PPP6R2: variants seen among roughly 807,000 people sequenced by gnomAD.
PPP6R2 encodes protein phosphatase 6 regulatory subunit 2.
In PPP6R2, 62 loss-of-function variants were observed where a neutral mutation model predicts 100.2. That is an observed-to-expected ratio of 0.62 (90% CI 0.50 to 0.76). PPP6R2 has a LOEUF of 0.76. Ranked by LOEUF, PPP6R2 falls within the 30% of genes least tolerant of loss-of-function variation. The pLI is 0.00. For missense variants in PPP6R2, 1,142 were observed against 1,276.3 expected (o/e 0.89, Z 1.60); for synonymous variants, 525 against 514.7 (o/e 1.02, Z -0.27).
chr22:50,438,558 C>T (rs369556799), intron 18 of PPP6R2, 41 bp from the exon 19 acceptor site: 58 of 1,604,352 alleles, frequency 3.6e-5, no homozygotes, highest in African/African-American at 5.4e-5. Context: ...GTTAGGCGTC[C>T]GTCCTGGGCC....
intron 1 of PPP6R2, among the ~76,000 whole-genome samples, chr22:50,362,903 G>C (rs2048066547): frequency 6.6e-6 from 1 of 152,174 alleles, no homozygotes; most frequent in African/African-American, 2.4e-5. Flanking sequence ...TGAAGGTGTT[G>C]TATTCTGGCC....
chr22:50,354,411 A>G (rs192333696), intron 1 of PPP6R2, among the ~76,000 whole-genome samples: 2 of 152,354 alleles, frequency 1.3e-5, no homozygotes, highest in African/African-American at 2.4e-5. Flanking sequence ...GGAATCTGAA[A>G]TGCTCCAGTG....
At chr22:50,339,754 GGT>G (rs1480914470), upstream of PPP6R2, among the ~76,000 whole-genome samples, 12 of 119,230 alleles carry the variant, frequency 1.0e-4, no homozygotes, top group Non-Finnish European at 1.7e-4. Context: ...AGTATGTGGT[GGT>G]GTGTGGTGTG....
chr22:50,419,545 G>A, intron 8 of PPP6R2, 83 bp downstream of exon 8: 3 of 922,888 alleles, frequency 3.3e-6, no homozygotes, highest in Non-Finnish European at 5.1e-6. Flanking sequence ...TCTGGATTAT[G>A]TCATTTGTGG....
rs562069887 is a variant in PPP6R2 at position 50,406,535 on chromosome 22, G to A, written c.228-154G>A. 2.6e-5 allele frequency among the ~76,000 whole-genome samples: 4 copies of A among 152,312 alleles called. No homozygotes were observed. In the East Asian group the frequency reaches 7.7e-4, roughly 29 times the overall value. ...CTTCTAGTAGTCAGAAATACCAGCT[G>A]GTCACAGGTAGTCACGTTTTTGTTC... On this transcript the variant is annotated intron_variant, in intron 3 of 23. Coordinates refer to ENST00000612753, the MANE Select transcript of PPP6R2 (RefSeq NM_001242898.2).
At chr22:50,417,228 C>T (rs905583968) in intron 6 of PPP6R2, among the ~76,000 whole-genome samples, 3 of 152,088 alleles carry the variant, frequency 2.0e-5, no homozygotes, top group African/African-American at 7.2e-5. Context: ...GGGCCGAGGC[C>T]GCCCTCAGCA....
chr22:50,406,892 G>A lies in PPP6R2; in HGVS notation c.414+17G>A. On this transcript the variant is annotated intron_variant, in intron 4 of 23. Transcript: ENST00000612753. Reference sequence around the variant, plus strand: ...ACCGAACAGGTAAATCACGTGCAAAGCCTCCGTGACTTGGGGCACCGTCAT... The same window carrying A: ...ACCGAACAGGTAAATCACGTGCAAAACCTCCGTGACTTGGGGCACCGTCAT... The A allele has an allele frequency of 6.2e-7, 1 of 1,607,326 alleles. No individual in the cohort carries two copies. Among genetic ancestry groups the A allele is most frequent in the Admixed American group, 1.7e-5 (1 of 60,000 alleles).
At chr22:50,351,062 CAG>C (rs373449213) in intron 1 of PPP6R2, among the ~76,000 whole-genome samples, 5,927 of 83,076 alleles carry the variant, frequency 0.071, 279 homozygotes, top group East Asian at 0.17. Context: ...TTTTTTGAGA[CAG>C]AGTTTCACTC....
intron 16 of PPP6R2, 76 bp from the exon 17 acceptor site, chr22:50,437,767 C>G: frequency 6.7e-7 from 1 of 1,502,598 alleles, no homozygotes. Context: ...CGATGAGCAC[C>G]GGGGGAGGAG....
intron 1 of PPP6R2, among the ~76,000 whole-genome samples, chr22:50,362,318 C>T (rs1569292007): frequency 6.6e-6 from 1 of 152,214 alleles, no homozygotes; most frequent in Non-Finnish European, 1.5e-5. Flanking sequence ...CTGAGCCTGG[C>T]GTGGGCCTGA....
chr22:50,340,136 ACAGT>A (rs199599502), upstream of PPP6R2, among the ~76,000 whole-genome samples: 19,585 of 75,498 alleles, frequency 0.26, 2,437 homozygotes, highest in South Asian at 0.44. Context: ...TGTGGTGTGT[ACAGT>A]GTGTGGTGTG....
intron 2 of PPP6R2, among the ~76,000 whole-genome samples, chr22:50,390,281 C>T (rs1225111084): frequency 6.6e-6 from 1 of 151,922 alleles, no homozygotes; most frequent in Non-Finnish European, 1.5e-5. Context: ...CGGGAGCCAC[C>T]GCGCCCAGCC....
chr22:50,402,970 T>A (rs2146999480), intron 3 of PPP6R2, among the ~76,000 whole-genome samples: 1 of 152,294 alleles, frequency 6.6e-6, no homozygotes, highest in African/African-American at 2.4e-5. Context: ...CCCAGCACTT[T>A]GGGAGGCCAA....
chr22:50,332,367 AG>A, the PPP6R2 span, among the ~76,000 whole-genome samples: 1 of 151,676 alleles, frequency 6.6e-6, no homozygotes, highest in South Asian at 2.1e-4. Context: ...AGTAGCTGGG[AG>A]TACAGGTGCC....
chr22:50,333,084 A>G, the PPP6R2 span, among the ~76,000 whole-genome samples: 1 of 152,134 alleles, frequency 6.6e-6, no homozygotes, highest in Admixed American at 6.6e-5. Flanking sequence ...GACTGTAGTG[A>G]GCTGTGATCG....
In PPP6R2 at chr22:50,431,338, C is replaced by T. The variant is rs1291263576; in HGVS notation, c.1291C>T (p.Pro431Ser). Reference protein sequence around the residue: ...HENGNRSLETPQPAASLPDNT... With the variant: ...HENGNRSLETSQPAASLPDNT... ...GAACGGGAACCGGAGCCTGGAGACT[C>T]CCCAGCCGGCCGCCAGCCTCCCTGA... is the stretch of plus-strand genomic sequence containing the variant. Residue 431 changes from proline to serine, a missense_variant, in exon 11 of 24, where the codon CCC becomes TCC. Pro to Ser is a moderately conservative substitution (Grantham distance 74). Coordinates refer to ENST00000612753, the MANE Select transcript of PPP6R2 (RefSeq NM_001242898.2). The surrounding 1 kb of genome is among the most constrained non-coding windows in gnomAD (Gnocchi z 4.8). 1.9e-6 allele frequency: 3 copies of T among 1,612,798 alleles called. No homozygotes were observed. In the African/African-American group the frequency reaches 4.0e-5, roughly 22 times the overall value.
chr22:50,351,188 G>T (rs78143965), intron 1 of PPP6R2, among the ~76,000 whole-genome samples: 3 of 143,796 alleles, frequency 2.1e-5, no homozygotes, highest in Non-Finnish European at 4.5e-5. Context: ...TTACAGGCAT[G>T]TGCCATTGCG....
chr22:50,402,709 C>T (rs1039572325), intron 3 of PPP6R2, among the ~76,000 whole-genome samples: 1 of 152,200 alleles, frequency 6.6e-6, no homozygotes, highest in Non-Finnish European at 1.5e-5. Context: ...GGAATATGAA[C>T]AAGCCTGTGT....
At chr22:50,432,200 T>C (rs1251203898) in intron 11 of PPP6R2, 65 bp from the exon 12 acceptor site, 1 of 1,421,462 alleles carries the variant, frequency 7.0e-7, no homozygotes, top group Admixed American at 2.0e-5. Context: ...AGTCCAGGGA[T>C]GGGTGGAGGG....
Sources: allele counts gnomAD v4.1 joint callset (sites outside exome capture counted in the v4.1 genomes callset), GRCh38; gene constraint gnomAD v4.1.1; non-coding constraint Gnocchi (gnomAD v3.1); transcripts MANE v1.5; gene names NCBI Gene and HGNC (gene_info 2026-07-23, HGNC 2026-07-21).